Variants in SUPT3H observed in about 807,000 individuals in gnomAD.
The protein encoded by SUPT3H is transcription initiation protein SPT3 homolog.
In SUPT3H, 44 loss-of-function variants were observed where a neutral mutation model predicts 44.3. The observed-to-expected ratio is 0.99, with a 90% CI of 0.78 to 1.28. The LOEUF is 1.28. SUPT3H is among the 50% of genes most tolerant of loss of function. The pLI is 0.00. For missense variants in SUPT3H, 380 were observed against 387.1 expected, an observed-to-expected ratio of 0.98 and a Z score of 0.15; for synonymous variants, 124 against 125.6, an observed-to-expected ratio of 0.99 and a Z score of 0.09.
At chr6:44,917,935 A>G (rs1228302576) in intron 10 of SUPT3H, among the ~76,000 whole-genome samples, 2 of 152,054 alleles carry the variant, frequency 1.3e-5, no homozygotes, top group African/African-American at 2.4e-5. Context: ...CGGTAATGCC[A>G]TGCTCTATCA....
chr6:45,105,913 T>A lies in SUPT3H; in HGVS notation c.186+9A>T. On this transcript the variant is annotated intron_variant, in intron 3 of 10. Transcript: ENST00000371459. Reference sequence around the variant, plus strand: ...AAGAGAAACCAAATCAAATTATATATGCTCTTACCAGATTAATTAACTGAG... The same window carrying A: ...AAGAGAAACCAAATCAAATTATATAAGCTCTTACCAGATTAATTAACTGAG... The A allele has an allele frequency of 6.2e-7, 1 of 1,605,968 alleles. No individual in the cohort carries two copies.
chr6:45,299,492 T>C, intron 2 of SUPT3H, among the ~76,000 whole-genome samples: 1 of 152,126 alleles, frequency 6.6e-6, no homozygotes, highest in South Asian at 2.1e-4. Context: ...CACACAAAAA[T>C]GTGTAATATA....
intron 4 of SUPT3H, among the ~76,000 whole-genome samples, chr6:45,019,930 TA>T (rs1462667598): frequency 6.6e-6 from 1 of 151,988 alleles, no homozygotes; most frequent in Non-Finnish European, 1.5e-5. Context: ...TATTAGAGAA[TA>T]TTTTTGACTA....
In SUPT3H at chr6:44,844,317, C is replaced by T. The variant is rs73735225; in HGVS notation, c.913-14460G>A. 4.7e-3 allele frequency among the ~76,000 whole-genome samples: 710 copies of T among 152,074 alleles called. 11 individuals carry two copies. Among genetic ancestry groups the T allele is most frequent in the African/African-American group, 0.016 (679 of 41,484 alleles). On this transcript the variant is annotated intron_variant, in intron 10 of 10. Coordinates refer to ENST00000371459, the MANE Select transcript of SUPT3H (RefSeq NM_003599.4). ...AGAAATAGGACAAAATTTTTGTGCC[C>T]TTATAAGCAAAGCTTTCTTAGCTAA...
At chr6:45,311,383 C>G (rs1220130642) in intron 2 of SUPT3H, among the ~76,000 whole-genome samples, 2 of 152,118 alleles carry the variant, frequency 1.3e-5, no homozygotes, top group African/African-American at 4.8e-5. Context: ...GCTTAGAAAA[C>G]ATATCTGGGG....
At chr6:45,045,023 A>T (rs959309789) in intron 3 of SUPT3H, among the ~76,000 whole-genome samples, 2 of 152,212 alleles carry the variant, frequency 1.3e-5, no homozygotes, top group Non-Finnish European at 2.9e-5. Flanking sequence ...AGGAAAAAAG[A>T]GTGACCAACT....
intron 3 of SUPT3H, among the ~76,000 whole-genome samples, chr6:45,078,385 T>C (rs1294838124): frequency 6.6e-6 from 1 of 152,200 alleles, no homozygotes; most frequent in African/African-American, 2.4e-5. Flanking sequence ...AACATTGCAG[T>C]TGTTGTTTTT....
intron 2 of SUPT3H, among the ~76,000 whole-genome samples, chr6:45,231,106 T>C (rs1200120150): frequency 1.3e-5 from 2 of 152,218 alleles, no homozygotes; most frequent in East Asian, 3.8e-4. Context: ...TCTGATTGAT[T>C]GTCCTTGTAG....
chr6:45,281,590 C>T (rs1029641308), intron 2 of SUPT3H, among the ~76,000 whole-genome samples: 13 of 152,276 alleles, frequency 8.5e-5, no homozygotes, highest in East Asian at 1.9e-4. Context: ...ACAAAGCAGC[C>T]GGGAAGCTCA....
At chr6:45,283,120 A>G (rs1185666633) in intron 2 of SUPT3H, among the ~76,000 whole-genome samples, 1 of 152,240 alleles carries the variant, frequency 6.6e-6, no homozygotes, top group Non-Finnish European at 1.5e-5. Flanking sequence ...AGTACCAGCC[A>G]CTGCAAAAAC....
At chr6:45,274,495 A>C (rs1241552373) in intron 2 of SUPT3H, among the ~76,000 whole-genome samples, 1 of 152,224 alleles carries the variant, frequency 6.6e-6, no homozygotes, top group Non-Finnish European at 1.5e-5. Context: ...TACGGCATGA[A>C]GAAGAGGTCC....
chr6:45,278,045 A>G (rs1291038232), intron 2 of SUPT3H, among the ~76,000 whole-genome samples: 1 of 147,504 alleles, frequency 6.8e-6, no homozygotes, highest in Non-Finnish European at 1.5e-5. Flanking sequence ...CAAACACTAC[A>G]TGTTCTCACG....
At chr6:45,087,798 T>C (rs561772872) in intron 3 of SUPT3H, among the ~76,000 whole-genome samples, 1 of 152,072 alleles carries the variant, frequency 6.6e-6, no homozygotes, top group African/African-American at 2.4e-5. Context: ...TATGTACTTA[T>C]GAAATCATGT....
intron 9 of SUPT3H, among the ~76,000 whole-genome samples, chr6:44,952,930 A>T (rs1774530912): frequency 6.6e-6 from 1 of 152,176 alleles, no homozygotes; most frequent in Admixed American, 6.5e-5. Flanking sequence ...AATGCCAGGG[A>T]TTATTTTGTG....
chr6:44,885,875 T>G (rs887823103), intron 10 of SUPT3H, among the ~76,000 whole-genome samples: 3 of 151,984 alleles, frequency 2.0e-5, no homozygotes, highest in African/African-American at 7.3e-5. Context: ...TGAAAAAAAT[T>G]TAGATGAATG....
rs779992102 is a variant in SUPT3H at position 45,014,829 on chromosome 6, T to C, written c.336A>G (p.Lys112=). The change falls in exon 5 of 11, where the codon AAA becomes AAG. Residue 112 remains lysine (K), a synonymous_variant. Transcript: ENST00000371459. ...CGAGAAGATCATCCTCATCGATGCCTTTGACAATCTTTGATTTGTAGTCTC... is the reference window on the plus strand; with the variant it reads ...CGAGAAGATCATCCTCATCGATGCCCTTGACAATCTTTGATTTGTAGTCTC... ...FIRDYKSKIV[K]GIDEDDLLED... 1.2e-5 allele frequency: 19 copies of C among 1,592,902 alleles called. No homozygotes were observed. The highest frequency in any genetic ancestry group is 1.6e-5 in the Non-Finnish European group (19 of 1,171,048).
Position 45,147,480 on chromosome 6 carries a change from C to T in SUPT3H, c.102-41474G>A, listed in dbSNP as rs561281502. ...ATACAAAATCTCTGAACACAAAGAA[C>T]TTAGACTTCAGCGAGGCCATAAATG... On this transcript the variant is annotated intron_variant, in intron 2 of 10. Coordinates refer to ENST00000371459, the MANE Select transcript of SUPT3H (RefSeq NM_003599.4). Among the ~76,000 whole-genome samples, 6 of 152,142 alleles carry T rather than the reference C, an allele frequency of 3.9e-5. No homozygotes were observed. The East Asian group carries it at 1.2e-3, about 29-fold the overall frequency.
chr6:45,170,014 A>G (rs1810515764), intron 2 of SUPT3H, among the ~76,000 whole-genome samples: 1 of 152,200 alleles, frequency 6.6e-6, no homozygotes, highest in Non-Finnish European at 1.5e-5. Flanking sequence ...TCACACATTA[A>G]GTCAGACTCC....
chr6:45,213,661 A>G (rs1764501533), intron 2 of SUPT3H, among the ~76,000 whole-genome samples: 1 of 152,170 alleles, frequency 6.6e-6, no homozygotes, highest in Non-Finnish European at 1.5e-5. Context: ...TTTAAGGATT[A>G]TATCCTACGA....
Sources: gnomAD v4.1 joint callset for allele counts (sites outside exome capture counted in the v4.1 genomes callset) on GRCh38, gnomAD v4.1.1 for gene constraint, MANE v1.5 for transcripts, NCBI Gene and HGNC (gene_info 2026-07-23, HGNC 2026-07-21) for gene names.